Variants in HAUS1 observed in about 807,000 individuals in gnomAD.
The protein encoded by HAUS1 is HAUS augmin like complex subunit 1, also known as HAUS augmin-like complex subunit 1.
In HAUS1, 25 loss-of-function variants were observed where a neutral mutation model predicts 38.6. The observed-to-expected ratio is 0.65, with a 90% CI of 0.47 to 0.91. The LOEUF is 0.91. Among genes scored for constraint, HAUS1 ranks in the 40% least tolerant of loss-of-function variants. HAUS1 has a pLI of 0.00. For synonymous variants in HAUS1, 109 were observed against 112.9 expected, an observed-to-expected ratio of 0.97 and a Z score of 0.22; for missense variants, 325 against 328.4, an observed-to-expected ratio of 0.99 and a Z score of 0.08.
At chr18:46,125,894 G>C (rs1229550605) in intron 8 of HAUS1, 103 bp downstream of exon 8, 1 of 736,804 alleles carries the variant, frequency 1.4e-6, no homozygotes, top group African/African-American at 1.8e-5. Flanking sequence ...TCAGTGGTAA[G>C]CTGCAGTCCT....
At chr18:46,118,395 C>G (rs1291272021) in intron 3 of HAUS1, 79 bp downstream of exon 3, 10 of 1,390,600 alleles carry the variant, frequency 7.2e-6, no homozygotes, top group Non-Finnish European at 9.9e-6. Flanking sequence ...CAGCATAATT[C>G]TATATGAAAA....
In HAUS1 at chr18:46,116,082, A is replaced by G. The variant is rs370536422; in HGVS notation, c.206-2099A>G. On this transcript the variant is annotated intron_variant, in intron 2 of 8. Coordinates refer to ENST00000282058, the MANE Select transcript of HAUS1 (RefSeq NM_138443.4). Reference sequence around the variant, plus strand: ...GATCGTGCCACTGCACTCCAGCCTGAGCAACAGAGCGAGACTGTCTCAGAA... The same window carrying G: ...GATCGTGCCACTGCACTCCAGCCTGGGCAACAGAGCGAGACTGTCTCAGAA... Among the ~76,000 whole-genome samples, 42 of 150,944 alleles carry G rather than the reference A, an allele frequency of 2.8e-4. 1 individual carries two copies. Among genetic ancestry groups the G allele is most frequent in the African/African-American group, 1.0e-3 (42 of 41,108 alleles).
At chr18:46,122,197 G>C (rs565346611) in intron 4 of HAUS1, among the ~76,000 whole-genome samples, 1 of 152,010 alleles carries the variant, frequency 6.6e-6, no homozygotes, top group East Asian at 1.9e-4. Context: ...TGTAGCCCTG[G>C]CTATTTGGGA....
rs775386789 is a variant in HAUS1, at chr18:46,118,211, G to C, written c.236G>C (p.Ser79Thr). The C allele has an allele frequency of 2.5e-6, 4 of 1,612,074 alleles. No homozygotes were observed. In the East Asian group the frequency reaches 6.7e-5, roughly 27 times the overall value. Residue 79 changes from serine to threonine, a missense_variant, in exon 3 of 9, where the codon AGT becomes ACT. Ser to Thr is a moderately conservative substitution (Grantham distance 58). Coordinates refer to ENST00000282058, the MANE Select transcript of HAUS1 (RefSeq NM_138443.4). ...TATCTTCAAGACCTTCTCATGGAGA[G>C]TGTGAATTTTTCCCCCGCCAATCTC... ...AKYLQDLLME[S>T]VNFSPANLSS...
intron 2 of HAUS1, among the ~76,000 whole-genome samples, chr18:46,106,381 A>C (rs1482602348): frequency 6.6e-6 from 1 of 152,000 alleles, no homozygotes; most frequent in African/African-American, 2.4e-5. Flanking sequence ...AGGCCGGAGA[A>C]TGGCGTGATC....
Position 46,122,616 on chromosome 18 carries a change from T to A in HAUS1, c.600+26T>A, listed in dbSNP as rs200538005. 377 of 1,613,044 alleles carry A rather than the reference T, an allele frequency of 2.3e-4. No individual in the cohort carries two copies. The highest frequency in any genetic ancestry group is 1.7e-3 in the Middle Eastern group (10 of 6,060). Reference sequence around the variant, plus strand: ...GTTTGTATGAAGGACCGAATATAGTTAGCTCTCTTCGGCCTGATTTTTTAC... The same window carrying A: ...GTTTGTATGAAGGACCGAATATAGTAAGCTCTCTTCGGCCTGATTTTTTAC... On this transcript the variant is annotated intron_variant, in intron 5 of 8. Transcript: ENST00000282058.
intron 2 of HAUS1, among the ~76,000 whole-genome samples, chr18:46,116,657 C>T (rs1210461843): frequency 2.0e-5 from 3 of 151,838 alleles, no homozygotes; most frequent in Admixed American, 1.3e-4. Context: ...ATTTCTCCTA[C>T]GAAGATACAC....
intron 2 of HAUS1, chr18:46,115,373 C>T (rs953609548): frequency 6.0e-5 from 9 of 151,124 alleles, no homozygotes; most frequent in African/African-American, 2.2e-4. Context: ...GCAGGAGGAT[C>T]ACTTAAACCT....
chr18:46,111,667 A>C (rs1454456159), intron 2 of HAUS1, among the ~76,000 whole-genome samples: 1 of 151,998 alleles, frequency 6.6e-6, no homozygotes, highest in Non-Finnish European at 1.5e-5. Context: ...CATGTTGGCC[A>C]GGCTGGTCTT....
intron 2 of HAUS1, among the ~76,000 whole-genome samples, chr18:46,110,557 G>C (rs1394101646): frequency 6.6e-6 from 1 of 151,722 alleles, no homozygotes. Flanking sequence ...TCGCCAGGCT[G>C]GTCTTGAGCT....
rs1912057241 is a variant in HAUS1 at position 46,124,913 on chromosome 18, A to G, written c.738+20A>G. ...ATGCCGGTAATAATTTTCGCGAATT[A>G]AAAAACAATTATTTCCTCCAACCTT... On this transcript the variant is annotated intron_variant, in intron 7 of 8. Transcript: ENST00000282058. 7.3e-7 allele frequency: 1 copy of G among 1,360,966 alleles called. No individual in the cohort carries two copies. Among genetic ancestry groups the G allele is most frequent in the Admixed American group, 1.7e-5 (1 of 58,456 alleles). The allele number at this position is 1,360,966 out of a possible 1,614,324, so 84.3% of individuals were successfully genotyped here.
At chr18:46,125,413 G>A (rs1437906549) in intron 7 of HAUS1, among the ~76,000 whole-genome samples, 2 of 152,064 alleles carry the variant, frequency 1.3e-5, no homozygotes, top group African/African-American at 2.4e-5. Context: ...GCAGGGCGTG[G>A]TGGTGGGCGC....
chr18:46,117,718 G>A (rs991054346), intron 2 of HAUS1, among the ~76,000 whole-genome samples: 5 of 152,082 alleles, frequency 3.3e-5, no homozygotes, highest in African/African-American at 4.8e-5. Context: ...GCCAAAGTGG[G>A]CGGATCACGA....
chr18:46,109,356 G>A (rs1380332761), intron 2 of HAUS1, among the ~76,000 whole-genome samples: 1 of 152,116 alleles, frequency 6.6e-6, no homozygotes, highest in Non-Finnish European at 1.5e-5. Flanking sequence ...GACACGTGGG[G>A]ATTACAATTC....
intron 2 of HAUS1, 93 bp from the exon 3 acceptor site, chr18:46,118,088 T>G: frequency 2.5e-6 from 3 of 1,187,328 alleles, no homozygotes; most frequent in Admixed American, 3.6e-5. Context: ...CTTAGGTGGG[T>G]GGATTATATG....
chr18:46,108,279 T>C (rs1266462711), intron 2 of HAUS1, among the ~76,000 whole-genome samples: 1 of 151,110 alleles, frequency 6.6e-6, no homozygotes, highest in Non-Finnish European at 1.5e-5. Flanking sequence ...TTCTTTTTTT[T>C]TTTTTTTTTT....
chr18:46,122,631 TG>T, intron 5 of HAUS1, 41 bp downstream of exon 5: 1 of 1,607,884 alleles, frequency 6.2e-7, no homozygotes, highest in Non-Finnish European at 8.5e-7. Context: ...CTCTTCGGCC[TG>T]ATTTTTTACC....
Position 46,124,818 on chromosome 18 carries a change from C to A in HAUS1, c.667-4C>A. 1.3e-6 allele frequency: 2 copies of A among 1,583,366 alleles called. No individual in the cohort carries two copies. The highest frequency in any genetic ancestry group is 1.7e-6 in the Non-Finnish European group (2 of 1,154,468). On this transcript the variant is annotated splice_region_variant and splice_polypyrimidine_tract_variant and intron_variant, in intron 6 of 8. Coordinates refer to ENST00000282058, the MANE Select transcript of HAUS1 (RefSeq NM_138443.4). ...ACTCTGTGACTGTGTTCTTTTACCC[C>A]CAGAAACTGGCAAGATTAAAGCAAC...
chr18:46,122,951 G>A (rs889349370), intron 5 of HAUS1, among the ~76,000 whole-genome samples: 2 of 152,114 alleles, frequency 1.3e-5, no homozygotes, highest in African/African-American at 4.8e-5. Flanking sequence ...GGTGGCTCAC[G>A]CCTGTAATCC....
Sources: allele counts gnomAD v4.1 joint callset (sites outside exome capture counted in the v4.1 genomes callset), GRCh38; gene constraint gnomAD v4.1.1; transcripts MANE v1.5; gene names NCBI Gene and HGNC (gene_info 2026-07-23, HGNC 2026-07-21).